PRSS48: variants seen among roughly 807,000 people sequenced by gnomAD.
PRSS48 encodes the protein epidermis-specific serine protease-like protein.
In PRSS48, 21 loss-of-function variants were observed where a neutral mutation model predicts 25.6. That is an observed-to-expected ratio of 0.82 (90% CI 0.58 to 1.18). PRSS48 has a LOEUF of 1.18. Ranked by LOEUF, PRSS48 falls within the 50% of genes most tolerant of loss-of-function variation. The pLI, the probability that PRSS48 is intolerant of heterozygous loss-of-function variation, is 0.00. For missense variants in PRSS48, 373 were observed against 399.3 expected (o/e 0.93, Z 0.56); for synonymous variants, 150 against 149.3 (o/e 1.00, Z -0.04).
chr4:151,288,800 G>C (rs1024215289), intron 4 of PRSS48, among the ~76,000 whole-genome samples: 5 of 152,154 alleles, frequency 3.3e-5, no homozygotes, highest in African/African-American at 1.2e-4. Context: ...TAGGAATAAA[G>C]TTAATATTGC....
At chr4:151,286,088 G>A (rs529402376) in intron 4 of PRSS48, among the ~76,000 whole-genome samples, 16 of 149,718 alleles carry the variant, frequency 1.1e-4, no homozygotes, top group Middle Eastern at 6.9e-3. Flanking sequence ...CAGCTACTTG[G>A]GAGGATTGCT....
At chr4:151,291,023 C>A in intron 4 of PRSS48, 95 bp from the exon 5 acceptor site, 1 of 923,704 alleles carries the variant, frequency 1.1e-6, no homozygotes, top group Non-Finnish European at 1.6e-6. Flanking sequence ...CCATGGGTCT[C>A]ATGGCCCAGT....
intron 4 of PRSS48, among the ~76,000 whole-genome samples, chr4:151,286,468 T>C (rs568149196): frequency 6.6e-6 from 1 of 151,454 alleles, no homozygotes; most frequent in East Asian, 1.9e-4. Context: ...TGAATAACAG[T>C]ATGCCAAAAA....
At position 151,279,360 on chromosome 4, in the gene PRSS48, A is replaced by T. The variant is rs180974835; in HGVS notation, c.53-436A>T. Among the ~76,000 whole-genome samples the T allele has an allele frequency of 8.5e-3, 1,293 of 152,270 alleles. 10 individuals are homozygous for T. The highest frequency in any genetic ancestry group is 0.012 in the Non-Finnish European group (843 of 68,008). On this transcript the variant is annotated intron_variant, in intron 1 of 4. Transcript: ENST00000455694. ...CCACTATCCCTGGTTTAAAAAAAAAATTTTAAGTTAAATGATATTCCATGT... is the reference window on the plus strand; with the variant it reads ...CCACTATCCCTGGTTTAAAAAAAAATTTTTAAGTTAAATGATATTCCATGT...
chr4:151,278,669 C>T (rs546143617), intron 1 of PRSS48, among the ~76,000 whole-genome samples: 10 of 152,182 alleles, frequency 6.6e-5, no homozygotes, highest in South Asian at 2.1e-4. Flanking sequence ...CTCACTCTCT[C>T]GCCCAGGCTG....
intron 2 of PRSS48, among the ~76,000 whole-genome samples, chr4:151,280,250 C>T (rs1561426415): frequency 6.6e-6 from 1 of 152,234 alleles, no homozygotes; most frequent in East Asian, 1.9e-4. Flanking sequence ...ACAATCTGAG[C>T]TCTAAGAGCC....
intron 4 of PRSS48, among the ~76,000 whole-genome samples, chr4:151,284,958 T>C (rs1774601642): frequency 1.3e-5 from 2 of 152,204 alleles, no homozygotes; most frequent in South Asian, 4.2e-4. Context: ...CTTTCTGGTA[T>C]ATTTCCCTGC....
At chr4:151,287,559 G>T (rs978612316) in intron 4 of PRSS48, among the ~76,000 whole-genome samples, 2 of 152,020 alleles carry the variant, frequency 1.3e-5, no homozygotes, top group Non-Finnish European at 2.9e-5. Flanking sequence ...AGTCAAGTTG[G>T]CTGACCTCAA....
exon 4 of PRSS48, chr4:151,283,245 A>T: frequency 6.2e-7 from 1 of 1,613,802 alleles, no homozygotes; most frequent in Non-Finnish European, 8.5e-7. Flanking sequence ...GGAAGACAAG[A>T]TTTGTGCTGG....
In PRSS48 at chr4:151,286,601, A is replaced by T. The variant is rs572354668; in HGVS notation, c.651+3315A>T. ...AAGTAAAGAGATTGCATTTGTGATT[A>T]AAAAAAAAAAAAAAACTACGAAGAA... On this transcript the variant is annotated intron_variant, in intron 4 of 4. Transcript: ENST00000455694. 7.8e-3 allele frequency among the ~76,000 whole-genome samples: 1,022 copies of T among 131,750 alleles called. 12 individuals are homozygous for T. Among genetic ancestry groups the T allele is most frequent in the African/African-American group, 0.029 (951 of 33,204 alleles). 86.4% of individuals were successfully genotyped at this position (131,750 alleles called of 152,430 possible).
intron 4 of PRSS48, among the ~76,000 whole-genome samples, chr4:151,283,533 T>C (rs1048224786): frequency 5.5e-5 from 8 of 145,060 alleles, no homozygotes. Context: ...TTTTTTTAAA[T>C]TAGAGACAGA....
chr4:151,277,303 CTT>C, intron 1 of PRSS48, 79 bp downstream of exon 1: 1 of 1,162,048 alleles, frequency 8.6e-7, no homozygotes, highest in Non-Finnish European at 1.2e-6. Context: ...CAATGTGACA[CTT>C]CACCCATGGG....
chr4:151,286,750 C>T (rs1034590922), intron 4 of PRSS48, among the ~76,000 whole-genome samples: 3 of 151,694 alleles, frequency 2.0e-5, no homozygotes, highest in Non-Finnish European at 2.9e-5. Flanking sequence ...GAGGCCAAGG[C>T]GGACAGGTCA....
At chr4:151,282,321 T>C in exon 3 of PRSS48, 1 of 1,613,964 alleles carries the variant, frequency 6.2e-7, no homozygotes, top group Non-Finnish European at 8.5e-7. Context: ...ACTTCTGCCA[T>C]CCTGCCTATT....
intron 1 of PRSS48, chr4:151,279,157 C>A: frequency 2.4e-6 from 1 of 418,140 alleles, no homozygotes. Context: ...TCTTGGCCAT[C>A]TACAACACGT....
chr4:151,290,135 A>G (rs1179665682), intron 4 of PRSS48, among the ~76,000 whole-genome samples: 3 of 152,164 alleles, frequency 2.0e-5, no homozygotes, highest in African/African-American at 7.2e-5. Flanking sequence ...TGTTTTGAAG[A>G]GACAGGGTTC....
chr4:151,291,541 T>A, downstream of PRSS48: 1 of 943,802 alleles, frequency 1.1e-6, no homozygotes, highest in Non-Finnish European at 1.6e-6. Flanking sequence ...TTGGAAGTTT[T>A]GGGGTTGGAA....
In PRSS48 at chr4:151,282,470, C is replaced by T. The variant is rs1580398761; in HGVS notation, c.481+57C>T. 9 of 1,564,508 alleles carry T rather than the reference C, an allele frequency of 5.8e-6. No homozygotes were observed. In the East Asian group the frequency reaches 9.0e-5, roughly 16 times the overall value. ...TATGTCATCCTCTTGTACTCCAGAACATTCATATTCTAGGCATATCCTTAC... is the reference window on the plus strand; with the variant it reads ...TATGTCATCCTCTTGTACTCCAGAATATTCATATTCTAGGCATATCCTTAC... On this transcript the variant is annotated intron_variant, in intron 3 of 4. Transcript: ENST00000455694.
At chr4:151,285,248 T>A (rs1359025808) in intron 4 of PRSS48, among the ~76,000 whole-genome samples, 1 of 152,160 alleles carries the variant, frequency 6.6e-6, no homozygotes, top group Non-Finnish European at 1.5e-5. Context: ...CAGAGACAAG[T>A]CACTCCCATA....
Sources: allele counts gnomAD v4.1 joint callset (sites outside exome capture counted in the v4.1 genomes callset), GRCh38; gene constraint gnomAD v4.1.1; transcripts MANE v1.5; gene names NCBI Gene and HGNC (gene_info 2026-07-23, HGNC 2026-07-21).